Variants in CPSF4L observed in about 807,000 individuals in gnomAD.
CPSF4L encodes the protein putative cleavage and polyadenylation specificity factor subunit 4-like protein.
Under a neutral mutation model 24.0 loss-of-function variants are expected in CPSF4L, and 18 were observed. That is an observed-to-expected ratio of 0.75 (90% CI 0.52 to 1.11). The LOEUF is 1.11. Among genes scored for constraint, CPSF4L ranks in the 50% least tolerant of loss-of-function variants. The pLI, the probability that CPSF4L is intolerant of heterozygous loss-of-function variation, is 0.00. For missense variants in CPSF4L, 211 were observed against 221.8 expected (o/e 0.95, Z 0.31); for synonymous variants, 72 against 77.2 (o/e 0.93, Z 0.35).
intron 3 of CPSF4L, among the ~76,000 whole-genome samples, chr17:73,254,517 TAC>T (rs2062017172): frequency 6.6e-6 from 1 of 152,214 alleles, no homozygotes; most frequent in African/African-American, 2.4e-5. Context: ...AGAAACATTC[TAC>T]AGAGTGGGCA....
rs1443206398 is a variant in CPSF4L, at chr17:73,252,643, A to AC, written c.483dup (p.Cys162ValfsTer?). On this transcript the variant is annotated frameshift_variant, in exon 5 of 6. Coordinates refer to ENST00000344935, the MANE Select transcript of CPSF4L (RefSeq NM_001129885.1). LOFTEE classifies it low-confidence loss of function (END_TRUNC). The stretch of plus-strand genomic sequence containing the variant: ...GATCATACTTACTGAGCAAATTGGC[A>AC]CTTGGGTCCCTCGGGGCAGAAGCCA... 1 of 1,550,132 alleles carries AC rather than the reference A, an allele frequency of 6.5e-7. No homozygotes were observed. The highest frequency in any genetic ancestry group is 8.7e-7 in the Non-Finnish European group (1 of 1,145,664).
chr17:73,260,650 C>T (rs1052111044), intron 2 of CPSF4L, among the ~76,000 whole-genome samples: 4 of 152,130 alleles, frequency 2.6e-5, no homozygotes, highest in Non-Finnish European at 5.9e-5. Flanking sequence ...ACCTGTAGTT[C>T]CAGTTACTCG....
intron 1 of CPSF4L, 79 bp downstream of exon 1, chr17:73,261,637 G>A (rs1599416587): frequency 1.0e-6 from 1 of 988,622 alleles, no homozygotes; most frequent in East Asian, 2.6e-5. Context: ...CTCCAGCCTG[G>A]GCTACAGAGC....
At position 73,251,098 on chromosome 17, in the gene CPSF4L, C is replaced by T. The variant is rs1169151999; in HGVS notation, c.497+1532G>A. On this transcript the variant is annotated intron_variant, in intron 5 of 5. Coordinates refer to ENST00000344935, the MANE Select transcript of CPSF4L (RefSeq NM_001129885.1). The stretch of plus-strand genomic sequence containing the variant: ...GGTGCTGAATCCCGGGGCCGGCTGG[C>T]AAGCTACAGCTGAAGTGCAGTCGTG... 1.7e-5 allele frequency: 26 copies of T among 1,543,416 alleles called. No homozygotes were observed. In the South Asian group the frequency reaches 2.8e-4, roughly 17 times the overall value.
At chr17:73,254,109 CACAA>C in intron 3 of CPSF4L, 83 bp from the exon 4 acceptor site, 1 of 1,043,822 alleles carries the variant, frequency 9.6e-7, no homozygotes, top group Non-Finnish European at 1.4e-6. Flanking sequence ...CCTTGCCCCT[CACAA>C]ACACAGAAGA....
chr17:73,261,548 C>G (rs1438994346), intron 1 of CPSF4L, among the ~76,000 whole-genome samples, 168 bp downstream of exon 1: 1 of 152,174 alleles, frequency 6.6e-6, no homozygotes, highest in Non-Finnish European at 1.5e-5. Context: ...GTAGTCCCAG[C>G]TCCTCGGGAG....
chr17:73,253,087 G>A (rs2062011837), intron 4 of CPSF4L, among the ~76,000 whole-genome samples: 1 of 152,182 alleles, frequency 6.6e-6, no homozygotes. Flanking sequence ...CTGGCCGGGT[G>A]GGGTGGCTCA....
chr17:73,257,694 G>A lies in CPSF4L; in HGVS notation c.294C>T (p.Phe98=). 1.3e-6 allele frequency: 2 copies of A among 1,551,702 alleles called. No individual in the cohort carries two copies. Among genetic ancestry groups the A allele is most frequent in the South Asian group, 1.2e-5 (1 of 84,048 alleles). ...AAGAGGCCTTACCAAACTTGGAGTA[G>A]AAGTAGCACTCAGGCATCCTGGTGA... ...YDLTRMPECY[F]YSKFGDCSNK... Residue 98 remains phenylalanine (F), a synonymous_variant, in exon 3 of 6, where the codon TTC becomes TTT. Transcript: ENST00000344935.
At position 73,254,132 on chromosome 17, in the gene CPSF4L, T is replaced by G. The variant is rs540248257; in HGVS notation, c.308-106A>C. 10 of 806,904 alleles carry G rather than the reference T, an allele frequency of 1.2e-5. No homozygotes were observed. The South Asian group carries it at 1.6e-4, about 13-fold the overall frequency. The allele number at this position is 806,904 out of a possible 1,614,324, so 50.0% of individuals were successfully genotyped here. ...CTCACAAACACAGAAGACACTGGCC[T>G]TTATTCTGGGAGTCACCAGCTTTTT... On this transcript the variant is annotated intron_variant, in intron 3 of 5. Coordinates refer to ENST00000344935, the MANE Select transcript of CPSF4L (RefSeq NM_001129885.1).
chr17:73,255,959 C>T (rs2062023665), intron 3 of CPSF4L, among the ~76,000 whole-genome samples: 1 of 152,204 alleles, frequency 6.6e-6, no homozygotes, highest in Non-Finnish European at 1.5e-5. Flanking sequence ...CTCTGTCCCA[C>T]TCCTACACCT....
chr17:73,253,579 C>A (rs2062013318), intron 4 of CPSF4L, among the ~76,000 whole-genome samples: 1 of 152,158 alleles, frequency 6.6e-6, no homozygotes, highest in African/African-American at 2.4e-5. Context: ...TCAGGACCCC[C>A]CAGGTGGGTA....
At chr17:73,255,959 C>A (rs2062023665) in intron 3 of CPSF4L, among the ~76,000 whole-genome samples, 1 of 152,204 alleles carries the variant, frequency 6.6e-6, no homozygotes, top group African/African-American at 2.4e-5. Flanking sequence ...CTCTGTCCCA[C>A]TCCTACACCT....
downstream of CPSF4L, chr17:73,244,690 A>G (rs550128049): frequency 6.9e-6 from 1 of 145,948 alleles, no homozygotes; most frequent in Non-Finnish European, 1.5e-5. Context: ...CATAATTCAC[A>G]CACTGGACTT....
the CPSF4L span, chr17:73,242,222 T>C: frequency 6.7e-7 from 1 of 1,497,476 alleles, no homozygotes; most frequent in Non-Finnish European, 9.2e-7. Context: ...ACAATGACAG[T>C]GACTTCTGTT....
intron 4 of CPSF4L, among the ~76,000 whole-genome samples, chr17:73,253,012 A>G (rs2062011594): frequency 6.6e-6 from 1 of 152,256 alleles, no homozygotes; most frequent in East Asian, 1.9e-4. Flanking sequence ...CTGCATGGAT[A>G]TGAACCACAC....
At chr17:73,250,410 G>A in intron 5 of CPSF4L, 1 of 1,390,952 alleles carries the variant, frequency 7.2e-7, no homozygotes, top group South Asian at 1.3e-5. Context: ...GAATTGGATG[G>A]ATTCTGCTTG....
intron 2 of CPSF4L, among the ~76,000 whole-genome samples, chr17:73,260,168 T>C (rs1160570283): frequency 6.6e-6 from 1 of 152,012 alleles, no homozygotes; most frequent in African/African-American, 2.4e-5. Context: ...GATGAGACAA[T>C]TGACCAGTTT....
the CPSF4L span, chr17:73,243,088 T>TGA: frequency 2.0e-6 from 2 of 997,640 alleles, no homozygotes; most frequent in East Asian, 2.7e-5. Flanking sequence ...TTTTTTTTTT[T>TGA]TTTTTTTTTT....
At chr17:73,248,731 T>C (rs2061986521) in intron 5 of CPSF4L, 195 bp from the exon 6 acceptor site, 2 of 628,190 alleles carry the variant, frequency 3.2e-6, no homozygotes, top group Admixed American at 5.0e-5. Context: ...AACTCACACG[T>C]GGTCTGTGTA....
Sources: allele counts gnomAD v4.1 joint callset (sites outside exome capture counted in the v4.1 genomes callset), GRCh38; gene constraint gnomAD v4.1.1; transcripts MANE v1.5; gene names NCBI Gene and HGNC (gene_info 2026-07-23, HGNC 2026-07-21).